MPHOSPH8: variants seen among roughly 807,000 people sequenced by gnomAD.
MPHOSPH8 encodes the protein M-phase phosphoprotein 8, also known as M-phase phosphoprotein, mpp.
A neutral mutation model predicts 87.3 loss-of-function variants in MPHOSPH8; 45 were observed. That is an observed-to-expected ratio of 0.52 (90% CI 0.41 to 0.66). MPHOSPH8 has a LOEUF of 0.66. MPHOSPH8 is among the 30% of genes least tolerant of loss of function. The probability of loss-of-function intolerance (pLI) is 0.00; values close to 1 mark genes in which losing one functional copy is unlikely to be tolerated. For synonymous variants in MPHOSPH8, 366 were observed against 376.9 expected, an observed-to-expected ratio of 0.97 and a Z score of 0.33; for missense variants, 883 against 1,020.2, an observed-to-expected ratio of 0.87 and a Z score of 1.83.
At chr13:19,654,626 A>T (rs1247913660) in intron 5 of MPHOSPH8, among the ~76,000 whole-genome samples, 3 of 152,224 alleles carry the variant, frequency 2.0e-5, no homozygotes, top group Non-Finnish European at 4.4e-5. Flanking sequence ...GACCATCATA[A>T]CTTCAGTACC....
At chr13:19,639,521 G>A (rs1300175007) in intron 1 of MPHOSPH8, among the ~76,000 whole-genome samples, 2 of 151,994 alleles carry the variant, frequency 1.3e-5, no homozygotes, top group Non-Finnish European at 2.9e-5. Flanking sequence ...ATGTTGGTCA[G>A]GGTGGTCTCA....
At chr13:19,647,861 T>A (rs1383550480) in intron 3 of MPHOSPH8, among the ~76,000 whole-genome samples, 3 of 152,128 alleles carry the variant, frequency 2.0e-5, no homozygotes, top group Non-Finnish European at 4.4e-5. Context: ...GTTTTGGGAA[T>A]GTATTTTAAG....
intron 2 of MPHOSPH8, among the ~76,000 whole-genome samples, chr13:19,644,478 C>G (rs67419788): frequency 1.3e-5 from 2 of 152,274 alleles, no homozygotes; most frequent in East Asian, 1.9e-4. Context: ...AGTCTTAGTC[C>G]TAGAAGCAAA....
intron 9 of MPHOSPH8, among the ~76,000 whole-genome samples, chr13:19,663,607 G>A (rs989149339): frequency 6.6e-6 from 1 of 152,190 alleles, no homozygotes; most frequent in East Asian, 1.9e-4. Flanking sequence ...CTGTGTTCTG[G>A]AACGTGGTTT....
Position 19,652,773 on chromosome 13 carries a change from C to T in MPHOSPH8, c.1576+2513C>T, listed in dbSNP as rs544423097. On this transcript the variant is annotated intron_variant, in intron 5 of 13. Coordinates refer to ENST00000361479, the MANE Select transcript of MPHOSPH8 (RefSeq NM_017520.4). The stretch of plus-strand genomic sequence containing the variant: ...AGGGGTGTCCGCCATTGCTGAGGCT[C>T]GAGTAGGTCGTTTTACCCTCATAGT... 8.5e-5 allele frequency among the ~76,000 whole-genome samples: 13 copies of T among 152,192 alleles called. No homozygotes were observed. In the South Asian group the frequency reaches 2.1e-3, roughly 24 times the overall value.
intron 8 of MPHOSPH8, 143 bp from the exon 9 acceptor site, chr13:19,662,897 G>A (rs1875620798): frequency 2.9e-6 from 2 of 697,324 alleles, no homozygotes; most frequent in Admixed American, 2.4e-5. Flanking sequence ...CACCCCCGTG[G>A]CCCCACGGGA....
Position 19,658,848 on chromosome 13 carries a change from T to C in MPHOSPH8, c.1577-147T>C, listed in dbSNP as rs74467345. On this transcript the variant is annotated intron_variant, in intron 5 of 13. Transcript: ENST00000361479. ...ACTTCCCAAAGAAAATTGGGGATTT[T>C]ATCAATTAAAAGACCCCATTATACA... 2,469 of 962,740 alleles carry C rather than the reference T, an allele frequency of 2.6e-3. 44 individuals carry two copies. The East Asian group carries it at 0.046, about 18-fold the overall frequency. 59.6% of individuals were successfully genotyped at this position (962,740 alleles called of 1,614,324 possible).
In MPHOSPH8 at chr13:19,673,197, G is replaced by A; in HGVS notation, c.*1322G>A. 2.3e-6 allele frequency: 1 copy of A among 441,248 alleles called. No homozygotes were observed. Among genetic ancestry groups the A allele is most frequent in the Admixed American group, 2.6e-5 (1 of 38,146 alleles). 27.3% of individuals were successfully genotyped at this position (441,248 alleles called of 1,614,324 possible). A position where few individuals can be genotyped will look rare whatever the true frequency, so the allele number is the denominator to read the frequency against. ...AGCCAAACCTGGCTGTCAGCTGTGTGGGAGCCACCACCCTCTCTGGGAAGA... is the reference window on the plus strand; with the variant it reads ...AGCCAAACCTGGCTGTCAGCTGTGTAGGAGCCACCACCCTCTCTGGGAAGA... On this transcript the variant is annotated 3_prime_UTR_variant, in exon 14 of 14. Coordinates refer to ENST00000361479, the MANE Select transcript of MPHOSPH8 (RefSeq NM_017520.4).
intron 1 of MPHOSPH8, among the ~76,000 whole-genome samples, chr13:19,638,619 A>G (rs182699253): frequency 6.6e-6 from 1 of 152,076 alleles, no homozygotes; most frequent in East Asian, 1.9e-4. Context: ...AAAAAAAAAA[A>G]AAGTTAAGAT....
intron 9 of MPHOSPH8, 137 bp from the exon 10 acceptor site, chr13:19,666,288 G>A (rs1875809061): frequency 6.1e-6 from 5 of 822,478 alleles, no homozygotes; most frequent in Admixed American, 2.4e-5. Context: ...GGCCTGACGG[G>A]CCCCAAAAGT....
intron 1 of MPHOSPH8, among the ~76,000 whole-genome samples, chr13:19,639,837 G>C (rs1874194718): frequency 6.7e-6 from 1 of 149,112 alleles, no homozygotes; most frequent in Admixed American, 6.6e-5. Context: ...AGGCACAGAG[G>C]CTCATGCCTG....
At chr13:19,663,357 A>G (rs1048890101) in intron 9 of MPHOSPH8, among the ~76,000 whole-genome samples, 9 of 152,220 alleles carry the variant, frequency 5.9e-5, no homozygotes, top group African/African-American at 2.2e-4. Flanking sequence ...ATGAGGTCAC[A>G]GGGAAGTGCT....
At chr13:19,669,048 C>CT (rs947755149) in intron 11 of MPHOSPH8, among the ~76,000 whole-genome samples, 5 of 152,020 alleles carry the variant, frequency 3.3e-5, no homozygotes, top group African/African-American at 1.2e-4. Flanking sequence ...CGGGCTCTGG[C>CT]TTTTTTTGCT....
At chr13:19,635,908 C>T (rs945968252) in intron 1 of MPHOSPH8, among the ~76,000 whole-genome samples, 1 of 152,124 alleles carries the variant, frequency 6.6e-6, no homozygotes, top group Admixed American at 6.5e-5. Flanking sequence ...GCTGTTCTCA[C>T]GATAGTGAGT....
At chr13:19,666,286 G>C (rs529463773) in intron 9 of MPHOSPH8, 139 bp from the exon 10 acceptor site, 2 of 793,562 alleles carry the variant, frequency 2.5e-6, no homozygotes, top group African/African-American at 3.4e-5. Context: ...GTGGCCTGAC[G>C]GGCCCCAAAA....
intron 5 of MPHOSPH8, among the ~76,000 whole-genome samples, chr13:19,652,218 A>G (rs1226406164): frequency 2.0e-5 from 3 of 152,308 alleles, no homozygotes; most frequent in South Asian, 4.1e-4. Flanking sequence ...CTGCATTTCC[A>G]ACTGAGGTAC....
chr13:19,639,038 G>A (rs1414481340), intron 1 of MPHOSPH8, among the ~76,000 whole-genome samples: 5 of 149,410 alleles, frequency 3.3e-5, no homozygotes, highest in African/African-American at 9.8e-5. Flanking sequence ...AGCTGAGATT[G>A]TGCCACTGCA....
Position 19,647,134 on chromosome 13 carries a change from T to TA in MPHOSPH8, c.1062dup (p.Glu355ArgfsTer7). 1 of 1,613,572 alleles carries TA rather than the reference T, an allele frequency of 6.2e-7. No homozygotes were observed. The highest frequency in any genetic ancestry group is 8.5e-7 in the Non-Finnish European group (1 of 1,179,906). On this transcript the variant is annotated frameshift_variant, in exon 3 of 14. Coordinates refer to ENST00000361479, the MANE Select transcript of MPHOSPH8 (RefSeq NM_017520.4). LOFTEE classifies it high-confidence loss of function. The stretch of plus-strand genomic sequence containing the variant: ...AAGCTAGAGAACAAGAACGCTTTCT[T>TA]AGAGAAGAAAACTGTGCCTAAAAAG...
At chr13:19,642,367 A>AGT (rs766624350) in intron 2 of MPHOSPH8, 97 bp downstream of exon 2, 34 of 1,053,704 alleles carry the variant, frequency 3.2e-5, no homozygotes, top group Non-Finnish European at 4.2e-5. Flanking sequence ...CAAATAACAA[A>AGT]GTGTACCGTA....
Sources: gnomAD v4.1 joint callset for allele counts (sites outside exome capture counted in the v4.1 genomes callset) on GRCh38, gnomAD v4.1.1 for gene constraint, MANE v1.5 for transcripts, NCBI Gene and HGNC (gene_info 2026-07-23, HGNC 2026-07-21) for gene names.